CPNE8: variants seen among roughly 807,000 people sequenced by gnomAD.
CPNE8 encodes the protein copine 8.
CPNE8 carries 45 observed loss-of-function variants against 81.5 expected under a neutral mutation model. That is an observed-to-expected ratio of 0.55 (90% CI 0.44 to 0.71). The LOEUF is 0.71. Among genes scored for constraint, CPNE8 ranks in the 30% least tolerant of loss-of-function variants. CPNE8 has a pLI of 0.00. For synonymous variants in CPNE8, 252 were observed against 226.3 expected (o/e 1.11, Z -1.02); for missense variants, 594 against 672.1 (o/e 0.88, Z 1.28).
intron 3 of CPNE8, among the ~76,000 whole-genome samples, chr12:38,849,191 A>G (rs1318670257): frequency 6.6e-6 from 1 of 152,174 alleles, no homozygotes; most frequent in East Asian, 1.9e-4. Context: ...TCATGTTTTA[A>G]TTCTTACCAT....
At chr12:38,868,704 C>G (rs1943949816) in intron 3 of CPNE8, among the ~76,000 whole-genome samples, 1 of 152,136 alleles carries the variant, frequency 6.6e-6, no homozygotes, top group Non-Finnish European at 1.5e-5. Context: ...TAAATATTAT[C>G]TATTTGTCTC....
At chr12:38,836,919 C>T (rs1943390349) in intron 5 of CPNE8, among the ~76,000 whole-genome samples, 1 of 152,120 alleles carries the variant, frequency 6.6e-6, no homozygotes, top group Admixed American at 6.5e-5. Flanking sequence ...TCTAACAGTT[C>T]TTATAACAAT....
intron 3 of CPNE8, among the ~76,000 whole-genome samples, chr12:38,849,624 T>C (rs1402023369): frequency 1.3e-5 from 2 of 152,190 alleles, no homozygotes; most frequent in African/African-American, 4.8e-5. Flanking sequence ...TACAAAATAT[T>C]GATGACATAG....
chr12:38,760,416 G>A (rs1474326448), intron 10 of CPNE8, among the ~76,000 whole-genome samples: 1 of 121,322 alleles, frequency 8.2e-6, no homozygotes, highest in African/African-American at 4.1e-5. Flanking sequence ...CACAATTCTC[G>A]AGTTTTGTTG....
intron 6 of CPNE8, among the ~76,000 whole-genome samples, chr12:38,798,811 A>C (rs956415335): frequency 1.3e-5 from 2 of 152,186 alleles, no homozygotes; most frequent in East Asian, 3.8e-4. Context: ...CCTATCTCAC[A>C]TGCAGAGACA....
intron 19 of CPNE8, among the ~76,000 whole-genome samples, chr12:38,665,772 C>T (rs1007055082): frequency 6.6e-6 from 1 of 152,098 alleles, no homozygotes; most frequent in Non-Finnish European, 1.5e-5. Context: ...AAAGCCTTTA[C>T]GTATATTGAC....
At chr12:38,734,672 T>C (rs1458442910) in intron 10 of CPNE8, among the ~76,000 whole-genome samples, 1 of 152,072 alleles carries the variant, frequency 6.6e-6, no homozygotes, top group Non-Finnish European at 1.5e-5. Context: ...TTGGAGGTAA[T>C]GCCTACTTTC....
intron 10 of CPNE8, among the ~76,000 whole-genome samples, chr12:38,738,058 C>T (rs932937577): frequency 3.9e-5 from 6 of 152,104 alleles, no homozygotes; most frequent in Non-Finnish European, 7.4e-5. Flanking sequence ...CTAGCTCCCT[C>T]GCCATTCTTG....
intron 10 of CPNE8, among the ~76,000 whole-genome samples, chr12:38,755,158 C>A (rs1941430869): frequency 6.6e-6 from 1 of 152,100 alleles, no homozygotes; most frequent in Non-Finnish European, 1.5e-5. Context: ...ATTTGTATGG[C>A]ATTTTGCAGA....
chr12:38,743,000 A>G (rs923932809), intron 10 of CPNE8, among the ~76,000 whole-genome samples: 2 of 152,030 alleles, frequency 1.3e-5, no homozygotes, highest in Non-Finnish European at 2.9e-5. Context: ...AAATAATTCT[A>G]AAACCCTCCA....
chr12:38,661,764 C>G (rs544312255), intron 19 of CPNE8, among the ~76,000 whole-genome samples: 2 of 152,144 alleles, frequency 1.3e-5, no homozygotes, highest in Middle Eastern at 3.4e-3. Flanking sequence ...CAACGAAATA[C>G]TAGCAAACCA....
intron 6 of CPNE8, among the ~76,000 whole-genome samples, chr12:38,801,505 A>G (rs1032387166): frequency 3.2e-5 from 1 of 31,020 alleles, no homozygotes; most frequent in African/African-American, 1.6e-4. Flanking sequence ...CTCCTGAAGG[A>G]AGCGCTAAAC....
chr12:38,839,916 A>G lies in CPNE8; in HGVS notation c.330T>C (p.His110=). Residue 110 remains histidine, a splice_region_variant and synonymous_variant, in exon 5 of 20, where the codon CAT becomes CAC. Coordinates refer to ENST00000331366, the MANE Select transcript of CPNE8 (RefSeq NM_153634.3). ...TAAAAACATAAAAATATGAACTTACATGTTTGGATAAGTTGGGGCTCTTTG... is the reference window on the plus strand; with the variant it reads ...TAAAAACATAAAAATATGAACTTACGTGTTTGGATAAGTTGGGGCTCTTTG... The part of the protein sequence containing the change: ...VDSKSPNLSK[H]DFLGQVFCTL... The G allele has an allele frequency of 6.3e-7, 1 of 1,575,918 alleles. No individual in the cohort carries two copies. The highest frequency in any genetic ancestry group is 8.7e-7 in the Non-Finnish European group (1 of 1,153,898).
rs143511245 is a variant in CPNE8, at chr12:38,756,088, T to G, written c.722+4759A>C. On this transcript the variant is annotated intron_variant, in intron 10 of 19. Transcript: ENST00000331366. The stretch of plus-strand genomic sequence containing the variant: ...TAACTATATTTCTTCTATTCTACAT[T>G]AGCTCAAGATACCTAATTTAATGTC... 2.9e-3 allele frequency among the ~76,000 whole-genome samples: 439 copies of G among 151,504 alleles called. 5 individuals carry two copies. Among genetic ancestry groups the G allele is most frequent in the African/African-American group, 9.5e-3 (393 of 41,444 alleles).
At chr12:38,845,360 T>C (rs12811073) in intron 4 of CPNE8, among the ~76,000 whole-genome samples, 2 of 152,178 alleles carry the variant, frequency 1.3e-5, no homozygotes, top group African/African-American at 4.8e-5. Context: ...CTAATTATTG[T>C]ATATTATTCC....
intron 3 of CPNE8, among the ~76,000 whole-genome samples, chr12:38,856,550 T>C (rs1351759127): frequency 6.6e-6 from 1 of 152,174 alleles, no homozygotes; most frequent in African/African-American, 2.4e-5. Flanking sequence ...CATCAACTAA[T>C]GGCATGGGTT....
intron 3 of CPNE8, among the ~76,000 whole-genome samples, chr12:38,859,740 A>C (rs1269845624): frequency 6.6e-6 from 1 of 152,186 alleles, no homozygotes; most frequent in African/African-American, 2.4e-5. Context: ...TCATTAGAAT[A>C]GAAGAGAAAG....
chr12:38,867,490 G>A (rs1014060993), intron 3 of CPNE8, among the ~76,000 whole-genome samples: 1 of 151,966 alleles, frequency 6.6e-6, no homozygotes. Flanking sequence ...TGTAGTAATC[G>A]GCATTTGAAA....
At chr12:38,726,277 A>C (rs915401706) in intron 11 of CPNE8, 8 of 152,048 alleles carry the variant, frequency 5.3e-5, no homozygotes, top group Admixed American at 1.3e-4. Context: ...CAAAAAAAAA[A>C]ACAAAACTTT....
Sources: allele counts gnomAD v4.1 joint callset (sites outside exome capture counted in the v4.1 genomes callset), GRCh38; gene constraint gnomAD v4.1.1; transcripts MANE v1.5; gene names NCBI Gene and HGNC (gene_info 2026-07-23, HGNC 2026-07-21).